The following TENM2 variants were observed in gnomAD, a reference collection of about 807,000 sequenced individuals.
TENM2 encodes the protein teneurin transmembrane protein 2, also known as teneurin-2.
A neutral mutation model predicts 245.2 loss-of-function variants in TENM2; 52 were observed. That is an observed-to-expected ratio of 0.21 (90% CI 0.17 to 0.27). TENM2 has a LOEUF of 0.27. Ranked by LOEUF, TENM2 falls within the 10% of genes least tolerant of loss-of-function variation. TENM2 has a pLI of 1.00. For synonymous variants in TENM2, 1,363 were observed against 1,438.9 expected, an observed-to-expected ratio of 0.95 and a Z score of 1.19; for missense variants, 3,046 against 3,666.8, an observed-to-expected ratio of 0.83 and a Z score of 4.37.
intron 19 of TENM2, among the ~76,000 whole-genome samples, chr5:168,206,708 T>C (rs1762377049): frequency 6.6e-6 from 1 of 152,172 alleles, no homozygotes; most frequent in South Asian, 2.1e-4. Context: ...TTGCTTTTTT[T>C]AATCCTAGGA....
At chr5:168,150,337 T>C (rs1453330736) in intron 12 of TENM2, among the ~76,000 whole-genome samples, 1 of 152,212 alleles carries the variant, frequency 6.6e-6, no homozygotes, top group Non-Finnish European at 1.5e-5. Context: ...ATTTCTCCCT[T>C]GGAGGTCCAT....
At chr5:167,353,410 A>G (rs1423658217) in intron 1 of TENM2, among the ~76,000 whole-genome samples, 8 of 151,848 alleles carry the variant, frequency 5.3e-5, no homozygotes, top group Non-Finnish European at 1.0e-4. Context: ...ATTTTTACAT[A>G]CATTTCTCAT....
At chr5:167,611,918 C>T (rs887860386) in intron 2 of TENM2, among the ~76,000 whole-genome samples, 2 of 151,944 alleles carry the variant, frequency 1.3e-5, no homozygotes, top group African/African-American at 2.4e-5. Flanking sequence ...TGAATTTTGG[C>T]GAGACACATT....
chr5:167,495,045 T>C (rs1219026230), intron 2 of TENM2, among the ~76,000 whole-genome samples: 2 of 152,044 alleles, frequency 1.3e-5, no homozygotes, highest in Admixed American at 6.6e-5. Flanking sequence ...TAATATAAAG[T>C]TTTTATTGTA....
intron 2 of TENM2, among the ~76,000 whole-genome samples, chr5:167,399,924 T>A (rs769028467): frequency 6.6e-6 from 1 of 151,760 alleles, no homozygotes; most frequent in Admixed American, 6.6e-5. Flanking sequence ...ACAAAGATAC[T>A]GTAAATTCAG....
At chr5:168,155,585 G>A (rs1267549387) in intron 12 of TENM2, among the ~76,000 whole-genome samples, 1 of 152,024 alleles carries the variant, frequency 6.6e-6, no homozygotes, top group Admixed American at 6.6e-5. Flanking sequence ...GTGGTCATTG[G>A]GAGAATGAGA....
intron 14 of TENM2, among the ~76,000 whole-genome samples, chr5:168,191,584 G>C (rs1270618031): frequency 6.6e-6 from 1 of 152,110 alleles, no homozygotes; most frequent in Non-Finnish European, 1.5e-5. Flanking sequence ...AACTTGGGTA[G>C]GATGGTCCTG....
chr5:167,072,676 G>T, the TENM2 span, among the ~76,000 whole-genome samples: 1 of 152,252 alleles, frequency 6.6e-6, no homozygotes, highest in South Asian at 2.1e-4. Flanking sequence ...AAACTTATTT[G>T]CTCAGAGCAA....
intron 1 of TENM2, among the ~76,000 whole-genome samples, chr5:167,344,510 GA>G (rs1191921666): frequency 2.7e-5 from 4 of 148,252 alleles, no homozygotes; most frequent in Non-Finnish European, 4.5e-5. Context: ...CTTATTTAAG[GA>G]AAAAAAAATA....
At chr5:167,315,938 C>T (rs547044536) in intron 1 of TENM2, among the ~76,000 whole-genome samples, 10 of 152,184 alleles carry the variant, frequency 6.6e-5, no homozygotes, top group South Asian at 4.2e-4. Flanking sequence ...GGGTCCAAAG[C>T]GTCTATTTGC....
chr5:167,196,518 A>ATATATATATGTGTG, the TENM2 span, among the ~76,000 whole-genome samples: 3 of 140,422 alleles, frequency 2.1e-5, no homozygotes, highest in African/African-American at 9.4e-5. Flanking sequence ...ATGTGTGTGT[A>ATATATATATGTGTG]TATATATATG....
At chr5:167,731,387 A>G (rs1760426087) in intron 2 of TENM2, among the ~76,000 whole-genome samples, 1 of 152,072 alleles carries the variant, frequency 6.6e-6, no homozygotes, top group African/African-American at 2.4e-5. Flanking sequence ...ATCTTTTATC[A>G]AGTGCATGAT....
At chr5:167,573,554 C>T (rs1774426921) in intron 2 of TENM2, among the ~76,000 whole-genome samples, 1 of 151,968 alleles carries the variant, frequency 6.6e-6, no homozygotes, top group Non-Finnish European at 1.5e-5. Context: ...GCTTCTCTCC[C>T]TCTCTCCTCG....
intron 2 of TENM2, among the ~76,000 whole-genome samples, chr5:167,858,074 T>C (rs1227226459): frequency 6.6e-6 from 1 of 152,262 alleles, no homozygotes; most frequent in Non-Finnish European, 1.5e-5. Flanking sequence ...TCTATGACTT[T>C]TGCTAATCTC....
At chr5:167,829,416 G>A (rs569990386) in intron 2 of TENM2, among the ~76,000 whole-genome samples, 1 of 152,196 alleles carries the variant, frequency 6.6e-6, no homozygotes, top group Admixed American at 6.5e-5. Flanking sequence ...TTAAAGTTGG[G>A]GGTTCTATGC....
At chr5:167,779,832 C>T (rs574309203) in intron 2 of TENM2, among the ~76,000 whole-genome samples, 1 of 152,296 alleles carries the variant, frequency 6.6e-6, no homozygotes, top group East Asian at 1.9e-4. Flanking sequence ...CTGTTCCCAG[C>T]ACAACTTTAG....
At chr5:167,842,580 C>CAA (rs1160974467) in intron 2 of TENM2, among the ~76,000 whole-genome samples, 734 of 45,224 alleles carry the variant, frequency 0.016, 43 homozygotes, top group African/African-American at 0.023. Flanking sequence ...GACTCCATGT[C>CAA]AAAAAAAAAA....
At chr5:167,668,565 A>C (rs1295452617) in intron 2 of TENM2, among the ~76,000 whole-genome samples, 1 of 152,202 alleles carries the variant, frequency 6.6e-6, no homozygotes, top group Non-Finnish European at 1.5e-5. Flanking sequence ...AACAGATACC[A>C]GTGCAGCATA....
intron 27 of TENM2, among the ~76,000 whole-genome samples, chr5:168,252,635 G>A (rs1213699756): frequency 6.6e-6 from 1 of 151,876 alleles, no homozygotes; most frequent in African/African-American, 2.4e-5. Flanking sequence ...CCTGAAGCCA[G>A]TAGTTTGAGA....
Sources: allele counts gnomAD v4.1 joint callset (sites outside exome capture counted in the v4.1 genomes callset), GRCh38; gene constraint gnomAD v4.1.1; transcripts MANE v1.5; gene names NCBI Gene and HGNC (gene_info 2026-07-23, HGNC 2026-07-21).